USP18: variants seen among roughly 807,000 people sequenced by gnomAD.
USP18 encodes the protein ubl carboxyl-terminal hydrolase 18.
USP18 carries 11 observed loss-of-function variants against 48.7 expected under a neutral mutation model. The ratio of observed to expected loss-of-function variants is 0.23; its 90% CI spans 0.14 to 0.37. USP18 has a LOEUF of 0.37. Ranked by LOEUF, USP18 falls within the 10% of genes least tolerant of loss-of-function variation. The pLI, the probability that USP18 is intolerant of heterozygous loss-of-function variation, is 1.00. For synonymous variants in USP18, 114 were observed against 163.2 expected (o/e 0.70, Z 2.30); for missense variants, 285 against 436.4 (o/e 0.65, Z 3.09).
At chr22:18,175,360 T>C (rs1280420933) in intron 10 of USP18, among the ~76,000 whole-genome samples, 1 of 151,982 alleles carries the variant, frequency 6.6e-6, no homozygotes, top group Non-Finnish European at 1.5e-5. Context: ...GAGATAGGCC[T>C]GGTCATTTGA....
At chr22:18,161,049 C>T (rs1824835458) in intron 3 of USP18, among the ~76,000 whole-genome samples, 1 of 152,164 alleles carries the variant, frequency 6.6e-6, no homozygotes, top group South Asian at 2.1e-4. Flanking sequence ...GGATTACAGG[C>T]ATGAGCCACT....
intron 1 of USP18, among the ~76,000 whole-genome samples, chr22:18,156,135 C>T (rs1018700098): frequency 6.6e-6 from 1 of 152,122 alleles, no homozygotes; most frequent in Non-Finnish European, 1.5e-5. Context: ...ACTTGGAGAA[C>T]CTTTGTGTCC....
At chr22:18,164,364 CT>C (rs1361203673) in intron 4 of USP18, among the ~76,000 whole-genome samples, 1 of 151,976 alleles carries the variant, frequency 6.6e-6, no homozygotes, top group Non-Finnish European at 1.5e-5. Context: ...CTCTGTGCCC[CT>C]GTGGGACTTA....
intron 5 of USP18, 125 bp downstream of exon 5, chr22:18,167,459 A>C (rs1929504395): frequency 8.9e-7 from 1 of 1,117,840 alleles, no homozygotes. Context: ...GCACTTTGGG[A>C]GGCTGAGGCA....
intron 7 of USP18, 142 bp from the exon 8 acceptor site, chr22:18,170,611 A>C: frequency 8.8e-7 from 1 of 1,134,692 alleles, no homozygotes; most frequent in Non-Finnish European, 1.2e-6. Flanking sequence ...GGAGCTCAGC[A>C]GATTCGGCGA....
At chr22:18,157,877 C>A in intron 2 of USP18, 57 bp downstream of exon 2, 1 of 1,601,396 alleles carries the variant, frequency 6.2e-7, no homozygotes, top group Non-Finnish European at 8.5e-7. Flanking sequence ...TTCGGCTCAC[C>A]CCCTCCGCTC....
At chr22:18,165,675 C>T (rs1489571130) in intron 4 of USP18, among the ~76,000 whole-genome samples, 3 of 152,014 alleles carry the variant, frequency 2.0e-5, no homozygotes, top group Non-Finnish European at 4.4e-5. Context: ...CTGATCTTTC[C>T]TGAGACTTGG....
chr22:18,150,514 T>C (rs1928966664), intron 1 of USP18, among the ~76,000 whole-genome samples: 1 of 152,240 alleles, frequency 6.6e-6, no homozygotes, highest in African/African-American at 2.4e-5. Flanking sequence ...TGTCTCGCAG[T>C]CTTCCACTCA....
Position 18,173,858 on chromosome 22 carries a change from G to A in USP18, c.1073+16G>A, listed in dbSNP as rs777234401. The stretch of plus-strand genomic sequence containing the variant: ...ACTACCACTGGTAAGAAACAGATTT[G>A]GGTAATTGGAGTCTGATGAGCTCAC... On this transcript the variant is annotated intron_variant, in intron 10 of 10. Coordinates refer to ENST00000215794, the MANE Select transcript of USP18 (RefSeq NM_017414.4). The A allele has an allele frequency of 3.1e-6, 5 of 1,591,968 alleles. No homozygotes were observed. Among genetic ancestry groups the A allele is most frequent in the Admixed American group, 3.4e-5 (2 of 59,116 alleles).
chr22:18,166,404 T>G (rs974442524), intron 4 of USP18, among the ~76,000 whole-genome samples: 5 of 152,186 alleles, frequency 3.3e-5, no homozygotes, highest in African/African-American at 1.2e-4. Flanking sequence ...GGCTAAAGTC[T>G]TTGTTTAGTA....
At chr22:18,174,774 G>C (rs1433367703) in intron 10 of USP18, among the ~76,000 whole-genome samples, 1 of 152,092 alleles carries the variant, frequency 6.6e-6, no homozygotes, top group East Asian at 1.9e-4. Flanking sequence ...TTAAAAAAAT[G>C]TTTGTAGAGA....
At chr22:18,172,743 C>G (rs2543695) in intron 8 of USP18, among the ~76,000 whole-genome samples, 82,308 of 142,640 alleles carry the variant, frequency 0.58, 22,722 homozygotes, top group Middle Eastern at 0.6. Context: ...AGCTTTGCGT[C>G]TGCCGCCCTT....
rs1419464532 is a variant in USP18 at position 18,173,248 on chromosome 22, A to G, written c.990A>G (p.Lys330=). Residue 330 remains lysine, a synonymous_variant, in exon 9 of 11, where the codon AAA becomes AAG. Transcript: ENST00000215794. Reference sequence around the variant, plus strand: ...ACATCCGGAATGCTGTGGATGGAAAATGGTTCTGCTTCAATGACTCCAATA... The same window carrying G: ...ACATCCGGAATGCTGTGGATGGAAAGTGGTTCTGCTTCAATGACTCCAATA... ...CVYIRNAVDG[K]WFCFNDSNIC... The G allele has an allele frequency of 2.5e-6, 4 of 1,602,114 alleles. No homozygotes were observed. Among genetic ancestry groups the G allele is most frequent in the Non-Finnish European group, 3.4e-6 (4 of 1,173,130 alleles).
intron 4 of USP18, among the ~76,000 whole-genome samples, chr22:18,162,287 G>GTTT (rs869289414): frequency 2.2e-5 from 3 of 137,246 alleles, no homozygotes; most frequent in African/African-American, 5.3e-5. Context: ...AATAGGTTAG[G>GTTT]TTTTTTTTTT....
chr22:18,161,993 G>A, intron 4 of USP18, 58 bp downstream of exon 4: 1 of 1,536,306 alleles, frequency 6.5e-7, no homozygotes, highest in Non-Finnish European at 8.8e-7. Flanking sequence ...GGGAAGCTTA[G>A]AGAGTGAAGA....
chr22:18,155,736 G>A (rs530032819), intron 1 of USP18, among the ~76,000 whole-genome samples: 2 of 152,334 alleles, frequency 1.3e-5, no homozygotes, highest in South Asian at 4.1e-4. Context: ...CAGGGCTCGG[G>A]ACCTGTAGCC....
intron 1 of USP18, among the ~76,000 whole-genome samples, chr22:18,151,285 G>A (rs1002202329): frequency 9.2e-5 from 14 of 151,964 alleles, no homozygotes; most frequent in African/African-American, 3.1e-4. Context: ...TGAAAATCTG[G>A]GTTCAAAGTG....
chr22:18,153,604 T>G (rs1005820159), intron 1 of USP18, among the ~76,000 whole-genome samples: 1 of 152,090 alleles, frequency 6.6e-6, no homozygotes, highest in Non-Finnish European at 1.5e-5. Context: ...TTATTTTTAT[T>G]TTTAGAAAAT....
In USP18 at chr22:18,158,272, A is replaced by G. The variant is rs143935163; in HGVS notation, c.157+452A>G. 1.9e-4 allele frequency among the ~76,000 whole-genome samples: 29 copies of G among 152,336 alleles called. No individual in the cohort carries two copies. The East Asian group carries it at 5.4e-3, about 28-fold the overall frequency. On this transcript the variant is annotated intron_variant, in intron 2 of 10. Coordinates refer to ENST00000215794, the MANE Select transcript of USP18 (RefSeq NM_017414.4). The stretch of plus-strand genomic sequence containing the variant: ...CACTGCACTCCAGCCTGGGTGACAG[A>G]GTGAGACTCTGTCTCAAACAAACAA...
Sources: allele counts gnomAD v4.1 joint callset (sites outside exome capture counted in the v4.1 genomes callset), GRCh38; gene constraint gnomAD v4.1.1; transcripts MANE v1.5; gene names NCBI Gene and HGNC (gene_info 2026-07-23, HGNC 2026-07-21).